SIPA1L1: variants seen among roughly 807,000 people sequenced by gnomAD.
The protein encoded by SIPA1L1 is signal induced proliferation associated 1 like 1, also known as signal-induced proliferation-associated 1-like protein 1.
SIPA1L1 carries 26 observed loss-of-function variants against 162.7 expected under a neutral mutation model. That is an observed-to-expected ratio of 0.16 (90% confidence interval 0.12 to 0.22). SIPA1L1 has a LOEUF of 0.22. SIPA1L1 is among the 10% of genes least tolerant of loss of function. SIPA1L1 has a pLI of 1.00. For missense variants in SIPA1L1, 1,874 were observed against 2,241.0 expected (o/e 0.84, Z 3.31); for synonymous variants, 829 against 837.4 (o/e 0.99, Z 0.17).
chr14:71,435,203 T>G (rs2141045016), intron 2 of SIPA1L1, among the ~76,000 whole-genome samples: 1 of 152,272 alleles, frequency 6.6e-6, no homozygotes, highest in South Asian at 2.1e-4. Flanking sequence ...TACTTTAAGT[T>G]CTAGGGTACA....
At chr14:71,420,313 G>A (rs1235881969) in intron 2 of SIPA1L1, among the ~76,000 whole-genome samples, 1 of 152,104 alleles carries the variant, frequency 6.6e-6, no homozygotes. Context: ...ATAGGTAAAT[G>A]CATTGAGGCA....
intron 4 of SIPA1L1, among the ~76,000 whole-genome samples, chr14:71,559,994 G>C (rs1034452382): frequency 6.6e-6 from 1 of 152,004 alleles, no homozygotes; most frequent in Non-Finnish European, 1.5e-5. Context: ...ATATTTTTTA[G>C]TGGACTCTGA....
intron 14 of SIPA1L1, among the ~76,000 whole-genome samples, chr14:71,700,362 TA>T (rs1391823620): frequency 6.6e-6 from 1 of 152,190 alleles, no homozygotes. Context: ...GCCTGTCTCT[TA>T]AAAAATAAAA....
At chr14:71,599,880 AT>A (rs1003553614) in intron 5 of SIPA1L1, among the ~76,000 whole-genome samples, 21 of 150,824 alleles carry the variant, frequency 1.4e-4, no homozygotes, top group Middle Eastern at 3.4e-3. Context: ...GATGTTGAGC[AT>A]TTTTTTTTAT....
intron 2 of SIPA1L1, among the ~76,000 whole-genome samples, chr14:71,426,888 C>T (rs906874930): frequency 1.8e-4 from 27 of 152,284 alleles, no homozygotes; most frequent in African/African-American, 6.3e-4. Context: ...ATCTTTATAC[C>T]TTGTGTGCTC....
rs2042233655 is a variant in SIPA1L1 at position 71,647,063 on chromosome 14, A to T, written c.1819-3272A>T. Among the ~76,000 whole-genome samples, 3 of 152,080 alleles carry T rather than the reference A, an allele frequency of 2.0e-5. No homozygotes were observed. In the South Asian group the frequency reaches 6.2e-4, roughly 31 times the overall value. On this transcript the variant is annotated intron_variant, in intron 7 of 23. Coordinates refer to ENST00000381232, the MANE Select transcript of SIPA1L1 (RefSeq NM_001386936.1). ...CTATCTGGGAGCATGGCTGCTAAGG[A>T]TTCTAGGAGCCTGAGTTCGGAGAAT...
chr14:71,466,253 T>C lies in SIPA1L1; in HGVS notation c.-464-46490T>C, dbSNP rs1463134023. Among the ~76,000 whole-genome samples, 7 of 152,202 alleles carry C rather than the reference T, an allele frequency of 4.6e-5. No homozygotes were observed. In the East Asian group the frequency reaches 1.3e-3, roughly 29 times the overall value. ...TACTGGACTGCCATCCACTAGAATT[T>C]ATGATTAAACCCATTCCTACCTGCT... On this transcript the variant is annotated intron_variant, in intron 2 of 23. Transcript: ENST00000381232.
At chr14:71,434,397 T>TA (rs2044225851) in intron 2 of SIPA1L1, among the ~76,000 whole-genome samples, 2 of 152,256 alleles carry the variant, frequency 1.3e-5, no homozygotes, top group African/African-American at 4.8e-5. Context: ...ATTAGATTTT[T>TA]AAAAAGCTAA....
intron 2 of SIPA1L1, among the ~76,000 whole-genome samples, chr14:71,510,456 G>A (rs951550594): frequency 2.6e-5 from 4 of 151,996 alleles, no homozygotes; most frequent in Non-Finnish European, 5.9e-5. Context: ...CCAAAATGCT[G>A]GGATTACAGG....
At chr14:71,354,981 G>T (rs2037100888) in intron 2 of SIPA1L1, among the ~76,000 whole-genome samples, 1 of 152,154 alleles carries the variant, frequency 6.6e-6, no homozygotes, top group South Asian at 2.1e-4. Context: ...AGTGAGACTT[G>T]TCTTGAATCA....
intron 2 of SIPA1L1, among the ~76,000 whole-genome samples, chr14:71,371,130 A>T (rs1053170347): frequency 6.6e-6 from 1 of 152,174 alleles, no homozygotes; most frequent in Admixed American, 6.5e-5. Context: ...GTGACATACT[A>T]TTAGACTAAG....
At chr14:71,392,401 A>G (rs2040830646) in intron 2 of SIPA1L1, among the ~76,000 whole-genome samples, 1 of 152,182 alleles carries the variant, frequency 6.6e-6, no homozygotes, top group African/African-American at 2.4e-5. Flanking sequence ...TCTTCTCCCT[A>G]AACATTCCTC....
intron 2 of SIPA1L1, among the ~76,000 whole-genome samples, chr14:71,491,079 C>T (rs1157489801): frequency 2.0e-5 from 3 of 152,130 alleles, no homozygotes; most frequent in Non-Finnish European, 2.9e-5. Flanking sequence ...TTCAAACAGA[C>T]AGGATGTCGA....
intron 2 of SIPA1L1, among the ~76,000 whole-genome samples, chr14:71,324,761 C>G (rs572027486): frequency 6.6e-6 from 1 of 152,266 alleles, no homozygotes; most frequent in East Asian, 1.9e-4. Context: ...AAACTCATTT[C>G]CATTTGCGGA....
chr14:71,590,054 T>A (rs1314504409), intron 5 of SIPA1L1, among the ~76,000 whole-genome samples: 10 of 108,866 alleles, frequency 9.2e-5, no homozygotes, highest in East Asian at 2.2e-4. Context: ...AATATATATA[T>A]ATATATATAT....
intron 2 of SIPA1L1, among the ~76,000 whole-genome samples, chr14:71,464,377 TCACGCCTGTAATCCCAG>T (rs1333773193): frequency 2.0e-5 from 3 of 152,202 alleles, no homozygotes; most frequent in Non-Finnish European, 2.9e-5. Context: ...GCATGGCAGC[TCACGCCTGTAATCCCAG>T]CACTTTGGGT....
At chr14:71,685,713 CCTT>C (rs1273923142) in intron 13 of SIPA1L1, 82 bp downstream of exon 13, 3 of 1,505,780 alleles carry the variant, frequency 2.0e-6, no homozygotes, top group Non-Finnish European at 1.8e-6. Context: ...TAGTTTTAGG[CCTT>C]CTCATATTTT....
chr14:71,702,207 A>G, intron 14 of SIPA1L1, 174 bp from the exon 15 acceptor site: 1 of 627,498 alleles, frequency 1.6e-6, no homozygotes, highest in Non-Finnish European at 2.8e-6. Context: ...TGACCACAAC[A>G]TACACATTTC....
At chr14:71,370,917 C>G (rs2038827741) in intron 2 of SIPA1L1, among the ~76,000 whole-genome samples, 1 of 151,996 alleles carries the variant, frequency 6.6e-6, no homozygotes, top group Admixed American at 6.6e-5. Context: ...ATAGTCCAGG[C>G]TCTGCAGTAT....
Sources: gnomAD v4.1 joint callset for allele counts (sites outside exome capture counted in the v4.1 genomes callset) on GRCh38, gnomAD v4.1.1 for gene constraint, MANE v1.5 for transcripts, NCBI Gene and HGNC (gene_info 2026-07-23, HGNC 2026-07-21) for gene names.